TRIOBP: variants seen among roughly 807,000 people sequenced by gnomAD.
The protein encoded by TRIOBP is TRIO and F-actin binding protein, also known as TRIO and F-actin-binding protein.
Under a neutral mutation model 238.8 loss-of-function variants are expected in TRIOBP, and 169 were observed. The observed-to-expected ratio is 0.71, with a 90% CI of 0.62 to 0.80. The LOEUF (loss-of-function observed/expected upper bound fraction) is 0.80, where lower values mean the gene tolerates loss of function less well. Among genes scored for constraint, TRIOBP ranks in the 30% least tolerant of loss-of-function variants. TRIOBP has a pLI of 0.00. For missense variants in TRIOBP, 2,838 were observed against 3,122.6 expected, an observed-to-expected ratio of 0.91 and a Z score of 2.17; for synonymous variants, 1,150 against 1,274.4, an observed-to-expected ratio of 0.90 and a Z score of 2.08.
rs138547720 is a variant in TRIOBP, at chr22:37,709,991, C to T, written c.115-436C>T. On this transcript the variant is annotated intron_variant, in intron 3 of 23. Transcript: ENST00000644935. ...TTCCTCCTCGCCCTTGTCTTTTGGC[C>T]GCAAAAGACCCTGGTGGATCCTTCT... Among the ~76,000 whole-genome samples, 574 of 152,330 alleles carry T rather than the reference C, an allele frequency of 3.8e-3. 3 individuals are homozygous for T. Among genetic ancestry groups the T allele is most frequent in the African/African-American group, 0.013 (550 of 41,566 alleles).
chr22:37,720,979 T>G (rs1452000536), intron 6 of TRIOBP, among the ~76,000 whole-genome samples: 2 of 150,808 alleles, frequency 1.3e-5, no homozygotes, highest in African/African-American at 2.4e-5. Context: ...AGCCTCTGCC[T>G]CCCGAGTAGC....
intron 2 of TRIOBP, among the ~76,000 whole-genome samples, chr22:37,700,605 C>T (rs764272942): frequency 2.0e-5 from 3 of 152,072 alleles, no homozygotes; most frequent in East Asian, 1.9e-4. Context: ...TTTGTAGAGA[C>T]GGAGTTTCGC....
At chr22:37,751,243 G>A (rs776102776) in intron 11 of TRIOBP, 42 of 349,182 alleles carry the variant, frequency 1.2e-4, no homozygotes, top group Middle Eastern at 3.9e-4. Flanking sequence ...AGATCTAGGC[G>A]GGGACCAGAG....
chr22:37,698,231 C>T (rs896668908), intron 2 of TRIOBP, among the ~76,000 whole-genome samples: 1 of 147,278 alleles, frequency 6.8e-6, no homozygotes, highest in Non-Finnish European at 1.5e-5. Flanking sequence ...AAGAAAGACA[C>T]CAGGGTTTCA....
In TRIOBP at chr22:37,725,976, C is replaced by T. The variant is rs1463704056; in HGVS notation, c.3420C>T (p.Pro1140=). ...PEPSLLFQDL[P]RASTESLVPS... ...CTTCCCTCTTATTCCAGGACCTCCC[C>T]AGGGCCAGCACAGAGAGCCTTGTCC... The change falls in exon 7 of 24, where the codon CCC becomes CCT. Residue 1140 remains proline (P), a synonymous_variant. Transcript: ENST00000644935. 1.9e-6 allele frequency: 3 copies of T among 1,610,472 alleles called. No individual in the cohort carries two copies. Among genetic ancestry groups the T allele is most frequent in the Admixed American group, 3.4e-5 (2 of 59,688 alleles).
At chr22:37,752,834 C>G (rs1925695710) in intron 12 of TRIOBP, among the ~76,000 whole-genome samples, 1 of 152,136 alleles carries the variant, frequency 6.6e-6, no homozygotes, top group African/African-American at 2.4e-5. Context: ...AATGTCCGAA[C>G]TGGAAGGGCC....
At chr22:37,708,728 C>T (rs947324522) in intron 3 of TRIOBP, among the ~76,000 whole-genome samples, 3 of 152,206 alleles carry the variant, frequency 2.0e-5, no homozygotes, top group African/African-American at 4.8e-5. Context: ...GAAAACAATG[C>T]TCCGAAAGGG....
chr22:37,741,041 G>T lies in TRIOBP; in HGVS notation c.5322+9G>T. On this transcript the variant is annotated intron_variant, in intron 11 of 23. Coordinates refer to ENST00000644935, the MANE Select transcript of TRIOBP (RefSeq NM_001039141.3). ...TCCTCAGGTGGCGAAGGGTAGGCTG[G>T]CTCCAGTGGGGACTGGAGGGGTGAG... 6.4e-7 allele frequency: 1 copy of T among 1,562,172 alleles called. No homozygotes were observed.
intron 7 of TRIOBP, among the ~76,000 whole-genome samples, chr22:37,729,108 G>A (rs1341345735): frequency 1.3e-5 from 2 of 152,128 alleles, no homozygotes; most frequent in African/African-American, 4.8e-5. Context: ...AGTAGCGACA[G>A]GGTTTCACCC....
rs545534612 is a variant in TRIOBP, at chr22:37,755,134, T to G, written c.5521T>G (p.Ser1841Ala). The change falls in exon 14 of 24, where the codon TCC (serine) becomes GCC (alanine). Residue 1841 changes from serine to alanine, a missense_variant. By Grantham distance (99) the Ser-to-Ala change is moderately conservative. This residue lies in a region of TRIOBP where 2,096 missense variants were observed against 2,137.4 expected (regional missense o/e 0.98). Transcript: ENST00000644935. The stretch of plus-strand genomic sequence containing the variant: ...GCTGGATGGTGAGATCGACCTGCGT[T>G]CCTGCACGGATGTCACTGAGTACGC... ...DELDGEIDLR[S>A]CTDVTEYAVQ... The G allele has an allele frequency of 5.6e-6, 9 of 1,613,858 alleles. No individual in the cohort carries two copies. In the African/African-American group the frequency reaches 1.2e-4, roughly 22 times the overall value.
At chr22:37,715,718 C>G (rs753469387) in intron 5 of TRIOBP, 45 bp from the exon 6 acceptor site, 1 of 1,601,680 alleles carries the variant, frequency 6.2e-7, no homozygotes, top group African/African-American at 1.3e-5. Flanking sequence ...GTCCTGCAGC[C>G]TTTTTTCTCC....
intron 9 of TRIOBP, among the ~76,000 whole-genome samples, chr22:37,737,625 C>T (rs1335873053): frequency 6.8e-6 from 1 of 147,074 alleles, no homozygotes; most frequent in Non-Finnish European, 1.5e-5. Flanking sequence ...CACGCCACTG[C>T]ACTCCAGCCT....
At chr22:37,735,897 C>T (rs960207418) in intron 9 of TRIOBP, among the ~76,000 whole-genome samples, 126 of 152,354 alleles carry the variant, frequency 8.3e-4, no homozygotes, top group African/African-American at 2.9e-3. Context: ...TCTGGTGGCA[C>T]ACACCTGACC....
intron 21 of TRIOBP, among the ~76,000 whole-genome samples, chr22:37,770,818 GA>G (rs1926738213): frequency 6.6e-6 from 1 of 152,014 alleles, no homozygotes; most frequent in Non-Finnish European, 1.5e-5. Flanking sequence ...GAGTAGCTGG[GA>G]CTACAGGCAC....
intron 4 of TRIOBP, among the ~76,000 whole-genome samples, chr22:37,711,297 G>A (rs1923223962): frequency 6.6e-6 from 1 of 152,176 alleles, no homozygotes; most frequent in Non-Finnish European, 1.5e-5. Context: ...CAAAAAAACA[G>A]CCTGGGTGCA....
At chr22:37,720,862 G>GT (rs943127825) in intron 6 of TRIOBP, among the ~76,000 whole-genome samples, 5 of 151,490 alleles carry the variant, frequency 3.3e-5, no homozygotes, top group African/African-American at 1.2e-4. Flanking sequence ...AATTTTTTTT[G>GT]TTTTTTGTTT....
At chr22:37,708,225 G>A (rs1267095775) in intron 3 of TRIOBP, among the ~76,000 whole-genome samples, 1 of 136,764 alleles carries the variant, frequency 7.3e-6, no homozygotes, top group Non-Finnish European at 1.5e-5. Context: ...TAGCCTGAGC[G>A]ACAGAGTGAG....
At position 37,765,760 on chromosome 22, in the gene TRIOBP, C is replaced by T. The variant is rs577402312; in HGVS notation, c.6415C>T (p.Arg2139Cys). Residue 2139 changes from arginine to cysteine, a missense_variant, in exon 18 of 24, where the codon CGC (arginine) becomes TGC (cysteine). Around this residue, in one of 5 missense-constraint regions of TRIOBP, gnomAD observed 2,096 missense variants for 2,137.4 expected, o/e 0.98. Coordinates refer to ENST00000644935, the MANE Select transcript of TRIOBP (RefSeq NM_001039141.3). Reference protein sequence around the residue: ...LQRHHERELQRLQQEKEWLLA... With the variant: ...LQRHHERELQCLQQEKEWLLA... ...GCGGCACCACGAGCGGGAGCTGCAG[C>T]GCCTGCAGCAGGAGAAGGAGTGGCT... The T allele has an allele frequency of 3.2e-5, 50 of 1,582,092 alleles. No individual in the cohort carries two copies. Among genetic ancestry groups the T allele is most frequent in the Admixed American group, 7.2e-5 (4 of 55,630 alleles).
intron 11 of TRIOBP, among the ~76,000 whole-genome samples, chr22:37,750,343 A>T (rs1925516366): frequency 6.6e-6 from 1 of 152,196 alleles, no homozygotes; most frequent in African/African-American, 2.4e-5. Context: ...AGGTGGGGGT[A>T]GGGGAGATGG....
Sources: gnomAD v4.1 joint callset for allele counts (sites outside exome capture counted in the v4.1 genomes callset) on GRCh38, gnomAD v4.1.1 for gene constraint, gnomAD v4.1.1 regional missense constraint, MANE v1.5 for transcripts, NCBI Gene and HGNC (gene_info 2026-07-23, HGNC 2026-07-21) for gene names.